PRMT8: variants seen among roughly 807,000 people sequenced by gnomAD.
PRMT8 encodes the protein protein arginine N-methyltransferase 8.
Under a neutral mutation model 47.1 loss-of-function variants are expected in PRMT8, and 7 were observed. That is an observed-to-expected ratio of 0.15 (90% confidence interval 0.08 to 0.28). The LOEUF is 0.28. Among genes scored for constraint, PRMT8 ranks in the 10% least tolerant of loss-of-function variants. PRMT8 has a pLI of 1.00. For synonymous variants in PRMT8, 188 were observed against 186.5 expected (o/e 1.01, Z -0.07); for missense variants, 237 against 505.4 (o/e 0.47, Z 5.09).
chr12:3,403,465 C>T (rs1044399977), intron 1 of PRMT8, among the ~76,000 whole-genome samples: 2 of 147,516 alleles, frequency 1.4e-5, no homozygotes, highest in African/African-American at 5.1e-5. Context: ...TACCCCTGAA[C>T]TTAAAATAAA....
intron 1 of PRMT8, among the ~76,000 whole-genome samples, chr12:3,481,908 G>A (rs1035941825): frequency 1.3e-5 from 2 of 152,184 alleles, no homozygotes; most frequent in Non-Finnish European, 2.9e-5. Flanking sequence ...CCCTTCGAAT[G>A]CAACCAAATT....
rs143786403 is a variant in PRMT8 at position 3,590,781 on chromosome 12, T to C, written c.980-1450T>C. Among the ~76,000 whole-genome samples the C allele has an allele frequency of 1.1e-3, 162 of 152,236 alleles. 2 individuals are homozygous for C. The East Asian group carries it at 0.027, about 26-fold the overall frequency. Reference sequence around the variant, plus strand: ...TACATTGAACTCCAGTACGAGTACATTGAAGCACTACAGACATTTGCTCTT... The same window carrying C: ...TACATTGAACTCCAGTACGAGTACACTGAAGCACTACAGACATTTGCTCTT... On this transcript the variant is annotated intron_variant, in intron 8 of 9. Transcript: ENST00000382622.
intron 1 of PRMT8, among the ~76,000 whole-genome samples, chr12:3,387,596 T>A (rs529561262): frequency 6.6e-6 from 1 of 152,322 alleles, no homozygotes; most frequent in East Asian, 1.9e-4. Context: ...AATCAAGAGA[T>A]CACCATCACC....
intron 4 of PRMT8, among the ~76,000 whole-genome samples, chr12:3,556,723 T>C (rs1866534033): frequency 1.3e-5 from 2 of 152,012 alleles, no homozygotes; most frequent in Non-Finnish European, 2.9e-5. Context: ...ACTGGTGTAG[T>C]AGAGGGACAG....
chr12:3,410,422 A>G (rs1368247784), intron 1 of PRMT8, among the ~76,000 whole-genome samples: 2 of 152,072 alleles, frequency 1.3e-5, no homozygotes, highest in African/African-American at 4.8e-5. Context: ...TATAGGTCCC[A>G]TTGACTCTCA....
intron 6 of PRMT8, chr12:3,574,095 C>G (rs1866896796): frequency 6.6e-6 from 1 of 152,150 alleles, no homozygotes; most frequent in Non-Finnish European, 1.5e-5. Flanking sequence ...ACTAAAACAC[C>G]AGGCATTGCA....
intron 1 of PRMT8, among the ~76,000 whole-genome samples, chr12:3,435,502 TTTTTTTTTTTCTTC>T (rs1050552664): frequency 2.0e-5 from 2 of 97,840 alleles, no homozygotes; most frequent in Non-Finnish European, 4.0e-5. Context: ...CAACGTCATG[TTTTTTTTTTTCTTC>T]TTTTTTTTTC....
intron 2 of PRMT8, among the ~76,000 whole-genome samples, chr12:3,544,996 G>A (rs1292782016): frequency 6.6e-6 from 1 of 152,208 alleles, no homozygotes. Flanking sequence ...TGCAGCCTTT[G>A]TCGTTATTTT....
chr12:3,442,989 A>G (rs775518385), intron 1 of PRMT8, among the ~76,000 whole-genome samples: 1 of 152,198 alleles, frequency 6.6e-6, no homozygotes, highest in African/African-American at 2.4e-5. Flanking sequence ...ATATCTATTA[A>G]GAAAGATAAT....
At chr12:3,424,828 A>G (rs1864584749) in intron 1 of PRMT8, among the ~76,000 whole-genome samples, 1 of 152,230 alleles carries the variant, frequency 6.6e-6, no homozygotes. Context: ...TACTGGGAAC[A>G]GTCCTAGATC....
rs1205143081 is a variant in PRMT8, at chr12:3,538,796, T to C, written c.76-1810T>C. ...CGTGACCAACATCCCAAGCTGAGAG[T>C]GGGCACACCTGCTGCATTCTAATGA... On this transcript the variant is annotated intron_variant, in intron 1 of 9. Coordinates refer to ENST00000382622, the MANE Select transcript of PRMT8 (RefSeq NM_019854.5). The surrounding 1 kb of genome is among the most constrained non-coding windows in gnomAD (Gnocchi z 4.6). 1.9e-6 allele frequency: 1 copy of C among 514,576 alleles called. No individual in the cohort carries two copies. The highest frequency in any genetic ancestry group is 1.9e-5 in the African/African-American group (1 of 51,862). The allele number at this position is 514,576 out of a possible 1,614,324, so 31.9% of individuals were successfully genotyped here. A position where few individuals can be genotyped will look rare whatever the true frequency, so the allele number is the denominator to read the frequency against.
chr12:3,519,859 C>T (rs1461817141), intron 1 of PRMT8, among the ~76,000 whole-genome samples: 1 of 152,220 alleles, frequency 6.6e-6, no homozygotes, highest in Admixed American at 6.5e-5. Context: ...GCTGCTCTTA[C>T]AGTGCCAGCC....
chr12:3,417,426 G>T (rs746368848), intron 1 of PRMT8, among the ~76,000 whole-genome samples: 2 of 152,122 alleles, frequency 1.3e-5, no homozygotes, highest in African/African-American at 2.4e-5. Context: ...TATTGAGAAT[G>T]CAGAGGAGCG....
At chr12:3,525,873 C>T (rs1308953614) in intron 1 of PRMT8, among the ~76,000 whole-genome samples, 2 of 152,130 alleles carry the variant, frequency 1.3e-5, no homozygotes, top group African/African-American at 4.8e-5. Context: ...ATAAAATACA[C>T]ATAACATAAA....
At chr12:3,497,211 G>C (rs566579792) in intron 1 of PRMT8, among the ~76,000 whole-genome samples, 2 of 152,318 alleles carry the variant, frequency 1.3e-5, no homozygotes, top group African/African-American at 4.8e-5. Context: ...TGTGTGAGAA[G>C]CAAGCAGGTG....
chr12:3,506,867 A>T (rs1011645884), intron 1 of PRMT8, among the ~76,000 whole-genome samples: 29 of 151,954 alleles, frequency 1.9e-4, no homozygotes, highest in African/African-American at 6.8e-4. Context: ...TGAGGCATGG[A>T]TAGGAGGTAG....
intron 1 of PRMT8, among the ~76,000 whole-genome samples, chr12:3,498,396 A>G (rs1266464075): frequency 6.6e-6 from 1 of 152,202 alleles, no homozygotes; most frequent in Non-Finnish European, 1.5e-5. Context: ...TGGAATGGTG[A>G]ATTTGGAAGA....
At chr12:3,437,398 A>C (rs965562321) in intron 1 of PRMT8, among the ~76,000 whole-genome samples, 1 of 151,788 alleles carries the variant, frequency 6.6e-6, no homozygotes, top group Non-Finnish European at 1.5e-5. Flanking sequence ...TCAGGGGTAC[A>C]TGTGCAGGTT....
intron 1 of PRMT8, among the ~76,000 whole-genome samples, chr12:3,519,655 T>C (rs1225975081): frequency 4.6e-5 from 7 of 152,180 alleles, no homozygotes; most frequent in African/African-American, 1.7e-4. Flanking sequence ...ACTGAGAAGC[T>C]GTGAGTCCAC....
Sources: allele counts gnomAD v4.1 joint callset (sites outside exome capture counted in the v4.1 genomes callset), GRCh38; gene constraint gnomAD v4.1.1; non-coding constraint Gnocchi (gnomAD v3.1); transcripts MANE v1.5; gene names NCBI Gene and HGNC (gene_info 2026-07-23, HGNC 2026-07-21).